KDM3B: variants seen among roughly 807,000 people sequenced by gnomAD.
The protein encoded by KDM3B is lysine-specific demethylase 3B.
A neutral mutation model predicts 170.0 loss-of-function variants in KDM3B; 10 were observed. The observed-to-expected ratio is 0.06, with a 90% CI of 0.04 to 0.10. The LOEUF is 0.10. Ranked by LOEUF, KDM3B falls within the 10% of genes least tolerant of loss-of-function variation. KDM3B has a pLI of 1.00. For missense variants in KDM3B, 1,394 were observed against 2,195.2 expected, an observed-to-expected ratio of 0.64 and a Z score of 7.29; for synonymous variants, 831 against 834.8, an observed-to-expected ratio of 1.00 and a Z score of 0.08.
intron 9 of KDM3B, among the ~76,000 whole-genome samples, chr5:138,396,825 C>A (rs1284729884): frequency 6.6e-6 from 1 of 151,940 alleles, no homozygotes; most frequent in East Asian, 1.9e-4. Flanking sequence ...AGGGAATGTA[C>A]CAAGAAACTG....
chr5:138,386,065 A>G lies in KDM3B; in HGVS notation c.824A>G (p.Lys275Arg), dbSNP rs771653189. ...GTAAAATCTTCCAAAGGAAAGAAGA[A>G]GAGAGAAAGCATAGAGGGGAAAGAT... ...KAVKSSKGKKKRESIEGKDGR... is the reference protein window; with the variant it reads ...KAVKSSKGKKRRESIEGKDGR... The change falls in exon 7 of 24, where the codon AAG becomes AGG. Residue 275 changes from lysine (K) to arginine (R), a missense_variant. Physicochemically the swap from Lys to Arg is conservative, Grantham distance 26. Transcript: ENST00000314358. The G allele has an allele frequency of 1.2e-6, 2 of 1,612,484 alleles. No homozygotes were observed.
intron 1 of KDM3B, among the ~76,000 whole-genome samples, chr5:138,363,913 T>C (rs58188733): frequency 7.1e-6 from 1 of 141,388 alleles, no homozygotes; most frequent in African/African-American, 2.7e-5. Flanking sequence ...ATTTAGTTTT[T>C]CTTTTTTTTT....
At chr5:138,409,693 G>A (rs1169732251) in intron 11 of KDM3B, among the ~76,000 whole-genome samples, 1 of 152,144 alleles carries the variant, frequency 6.6e-6, no homozygotes, top group Non-Finnish European at 1.5e-5. Flanking sequence ...TGAAGTGGGA[G>A]AATCACTTGA....
rs564362946 is a variant in KDM3B at position 138,379,874 on chromosome 5, A to G, written c.705+166A>G. On this transcript the variant is annotated intron_variant, in intron 5 of 23. Transcript: ENST00000314358. ...AAGGCTATTGAATTTTCTTAACTTC[A>G]CTGTTCTCATCTATAAACTAGAAGT... 2.6e-5 allele frequency among the ~76,000 whole-genome samples: 4 copies of G among 152,302 alleles called. No homozygotes were observed. The South Asian group carries it at 8.3e-4, about 32-fold the overall frequency.
chr5:138,387,954 A>C (rs568697465), intron 7 of KDM3B, among the ~76,000 whole-genome samples: 19 of 151,972 alleles, frequency 1.3e-4, no homozygotes, highest in African/African-American at 4.1e-4. Flanking sequence ...GGCGGCGTGC[A>C]CCTGTAGTCC....
chr5:138,358,019 CAG>C (rs909258600), intron 1 of KDM3B, among the ~76,000 whole-genome samples: 1 of 150,988 alleles, frequency 6.6e-6, no homozygotes, highest in African/African-American at 2.4e-5. Context: ...TATTTAGAGA[CAG>C]AGTTTCACTC....
intron 11 of KDM3B, among the ~76,000 whole-genome samples, chr5:138,404,600 C>T (rs1160623005): frequency 1.3e-5 from 2 of 150,278 alleles, no homozygotes; most frequent in Non-Finnish European, 3.0e-5. Context: ...GCACTTCAGC[C>T]TGGGCAGCAA....
At chr5:138,366,875 A>C (rs1427119662) in intron 1 of KDM3B, among the ~76,000 whole-genome samples, 2 of 152,220 alleles carry the variant, frequency 1.3e-5, no homozygotes, top group Non-Finnish European at 2.9e-5. Context: ...CTGGCCAAAC[A>C]ACATCTTTGT....
chr5:138,414,128 A>C (rs189969338), intron 11 of KDM3B, among the ~76,000 whole-genome samples: 2 of 152,214 alleles, frequency 1.3e-5, no homozygotes, highest in East Asian at 3.9e-4. Flanking sequence ...TGCATCCTAC[A>C]TGCTTCCATT....
At position 138,393,181 on chromosome 5, in the gene KDM3B, A is replaced by G. The variant is rs772739772; in HGVS notation, c.2640A>G (p.Ser880=). The change falls in exon 9 of 24, where the codon TCA becomes TCG. Residue 880 remains serine, a synonymous_variant. Coordinates refer to ENST00000314358, the MANE Select transcript of KDM3B (RefSeq NM_016604.4). ...TCCCCCTTGCCACAGTTGGCCAGTC[A>G]GTGCTGAAAGATGTAAGCAAAGTGA... The part of the protein sequence containing the change: ...PRTAPLKVGQ[S]VLKDVSKVKK... 6.2e-7 allele frequency: 1 copy of G among 1,613,992 alleles called. No homozygotes were observed. The highest frequency in any genetic ancestry group is 2.2e-5 in the East Asian group (1 of 44,888).
At position 138,375,179 on chromosome 5, in the gene KDM3B, A is replaced by G; in HGVS notation, c.447A>G (p.Ser149=). 2 of 1,613,246 alleles carry G rather than the reference A, an allele frequency of 1.2e-6. No homozygotes were observed. Among genetic ancestry groups the G allele is most frequent in the Non-Finnish European group, 1.7e-6 (2 of 1,179,280 alleles). The change falls in exon 3 of 24, where the codon TCA becomes TCG. Residue 149 remains serine, a synonymous_variant. Transcript: ENST00000314358. ...TGGATCGAGAGCTTCGGTTCCTGTC[A>G]GATGCCAATGGGTTGCATCTGTTTC... ...YLLDRELRFL[S]DANGLHLFQM...
intron 11 of KDM3B, among the ~76,000 whole-genome samples, chr5:138,409,896 T>C (rs1762916680): frequency 6.6e-6 from 1 of 152,218 alleles, no homozygotes; most frequent in South Asian, 2.1e-4. Flanking sequence ...GAGACCAGCC[T>C]GACCAACATG....
In KDM3B at chr5:138,399,804, G is replaced by A. The variant is rs373093764; in HGVS notation, c.3047-56G>A. 782 of 1,565,146 alleles carry A rather than the reference G, an allele frequency of 5.0e-4. 4 individuals are homozygous for A. The African/African-American group carries it at 9.7e-3, about 19-fold the overall frequency. ...TTGAGTAGGGATCAGTGGGTCTGGGGTCTTTTGTTATTGGTCAGGATGATC... is the reference window on the plus strand; with the variant it reads ...TTGAGTAGGGATCAGTGGGTCTGGGATCTTTTGTTATTGGTCAGGATGATC... On this transcript the variant is annotated intron_variant, in intron 10 of 23. Coordinates refer to ENST00000314358, the MANE Select transcript of KDM3B (RefSeq NM_016604.4).
Position 138,352,739 on chromosome 5 carries a change from G to A in KDM3B, c.-57G>A, listed in dbSNP as rs1268911817. 7.4e-5 allele frequency: 88 copies of A among 1,183,728 alleles called. No individual in the cohort carries two copies. The highest frequency in any genetic ancestry group is 3.9e-4 in the South Asian group (10 of 25,744). The allele number at this position is 1,183,728 out of a possible 1,614,324, so 73.3% of individuals were successfully genotyped here. On this transcript the variant is annotated 5_prime_UTR_variant, in exon 1 of 24. Transcript: ENST00000314358. ...GGCCTTGCGGGCGGATCGGGCGCTT[G>A]GCGGCGGAGGTGGTGGGAGGCGGCG...
chr5:138,394,511 A>C (rs1009016972), intron 9 of KDM3B, among the ~76,000 whole-genome samples: 3 of 152,228 alleles, frequency 2.0e-5, no homozygotes, highest in Non-Finnish European at 4.4e-5. Flanking sequence ...AGAGTTGAGG[A>C]ACAGCCTGCA....
chr5:138,354,855 T>C (rs1008124691), intron 1 of KDM3B, among the ~76,000 whole-genome samples: 1 of 152,244 alleles, frequency 6.6e-6, no homozygotes, highest in Non-Finnish European at 1.5e-5. Flanking sequence ...TTGTCTTACA[T>C]GTATATCCAG....
At chr5:138,388,213 G>A (rs1408519408) in intron 7 of KDM3B, among the ~76,000 whole-genome samples, 1 of 152,186 alleles carries the variant, frequency 6.6e-6, no homozygotes, top group African/African-American at 2.4e-5. Context: ...GAGTAGCAAA[G>A]CTGAATATAT....
chr5:138,400,059 T>G, intron 11 of KDM3B, 47 bp downstream of exon 11: 1 of 1,593,642 alleles, frequency 6.3e-7, no homozygotes, highest in Non-Finnish European at 8.6e-7. Context: ...CGTGGAGGTA[T>G]GTCCAAGATG....
chr5:138,401,491 G>C (rs1307685833), intron 11 of KDM3B, among the ~76,000 whole-genome samples: 2 of 151,976 alleles, frequency 1.3e-5, no homozygotes, highest in Non-Finnish European at 2.9e-5. Context: ...CTCCTTTTTT[G>C]GATATACTTC....
Sources: gnomAD v4.1 joint callset for allele counts (sites outside exome capture counted in the v4.1 genomes callset) on GRCh38, gnomAD v4.1.1 for gene constraint, MANE v1.5 for transcripts, NCBI Gene and HGNC (gene_info 2026-07-23, HGNC 2026-07-21) for gene names.